Variants in CPVL observed in about 807,000 individuals in gnomAD.
CPVL encodes the protein probable serine carboxypeptidase CPVL.
A neutral mutation model predicts 63.7 loss-of-function variants in CPVL; 51 were observed. The ratio of observed to expected loss-of-function variants is 0.80; its 90% CI spans 0.64 to 1.01. The LOEUF (loss-of-function observed/expected upper bound fraction) is 1.01, where lower values mean the gene tolerates loss of function less well. Among genes scored for constraint, CPVL ranks in the 50% least tolerant of loss-of-function variants. The probability of loss-of-function intolerance (pLI) is 0.00; values close to 1 mark genes in which losing one functional copy is unlikely to be tolerated. For missense variants in CPVL, 530 were observed against 573.1 expected, an observed-to-expected ratio of 0.92 and a Z score of 0.77; for synonymous variants, 195 against 206.0, an observed-to-expected ratio of 0.95 and a Z score of 0.46.
At chr7:29,061,993 G>GCACAAATAA (rs1297322382) in intron 11 of CPVL, among the ~76,000 whole-genome samples, 5 of 150,550 alleles carry the variant, frequency 3.3e-5, no homozygotes, top group Non-Finnish European at 5.9e-5. Flanking sequence ...TCTCCCAAGG[G>GCACAAATAA]CACAAATAAC....
At chr7:29,045,358 G>A (rs1789510488) in intron 11 of CPVL, among the ~76,000 whole-genome samples, 1 of 152,064 alleles carries the variant, frequency 6.6e-6, no homozygotes, top group Non-Finnish European at 1.5e-5. Flanking sequence ...GAACTCACAA[G>A]GAACTCTGCA....
At chr7:29,148,327 C>T (rs1181809163), upstream of CPVL, among the ~76,000 whole-genome samples, 2 of 152,166 alleles carry the variant, frequency 1.3e-5, no homozygotes, top group Non-Finnish European at 1.5e-5. Context: ...CAGGAGGAGC[C>T]ATGCTGTAAG....
intron 3 of CPVL, among the ~76,000 whole-genome samples, chr7:29,105,676 A>C (rs1162507064): frequency 6.6e-5 from 10 of 152,156 alleles, no homozygotes; most frequent in Non-Finnish European, 1.3e-4. Flanking sequence ...TTTTACTTGG[A>C]AACATTCACC....
At chr7:29,048,471 T>C (rs561231453) in intron 11 of CPVL, among the ~76,000 whole-genome samples, 80 of 152,070 alleles carry the variant, frequency 5.3e-4, no homozygotes, top group Non-Finnish European at 1.0e-3. Flanking sequence ...AAGAAGGACA[T>C]TATATAACAG....
rs576389354 is a variant in CPVL at position 29,175,332 on chromosome 7, G to A, written c.-11+5958C>T. 7.2e-5 allele frequency among the ~76,000 whole-genome samples: 11 copies of A among 151,986 alleles called. No individual in the cohort carries two copies. The South Asian group carries it at 1.7e-3, about 23-fold the overall frequency. On this transcript the variant is annotated intron_variant, in intron 5 of 16. Transcript: ENST00000409850. ...TGGGATTACAGGCGCATGCCACCACGCCTGACTAATTTTTTGTATTTTCAG... is the reference window on the plus strand; with the variant it reads ...TGGGATTACAGGCGCATGCCACCACACCTGACTAATTTTTTGTATTTTCAG...
chr7:29,075,519 T>TAAAAAAAAAAAAAAAAAA lies in CPVL; in HGVS notation c.610-3114_610-3097dup, dbSNP rs10658501. ...TCTTTTCTATTGAGAAGATACTTCT[T>TAAAAAAAAAAAAAAAAAA]AAAAAAAAAAAAAAAAAAGCCATCA... is the stretch of plus-strand genomic sequence containing the variant. On this transcript the variant is annotated intron_variant, in intron 7 of 12. Transcript: ENST00000265394. Among the ~76,000 whole-genome samples, 18 of 128,978 alleles carry TAAAAAAAAAAAAAAAAAA rather than the reference T, an allele frequency of 1.4e-4. 8 individuals carry two copies. Among genetic ancestry groups the TAAAAAAAAAAAAAAAAAA allele is most frequent in the Non-Finnish European group, 1.8e-4 (11 of 62,296 alleles). 84.6% of individuals were successfully genotyped at this position (128,978 alleles called of 152,430 possible). A position where few individuals can be genotyped will look rare whatever the true frequency, so the allele number is the denominator to read the frequency against.
intron 11 of CPVL, among the ~76,000 whole-genome samples, chr7:29,054,437 T>C (rs1260068934): frequency 6.6e-6 from 1 of 152,248 alleles, no homozygotes; most frequent in African/African-American, 2.4e-5. Flanking sequence ...TTTAGCACTT[T>C]GAAGATATTA....
chr7:29,179,499 C>G (rs538293234), intron 5 of CPVL, among the ~76,000 whole-genome samples: 2 of 152,206 alleles, frequency 1.3e-5, no homozygotes, highest in African/African-American at 4.8e-5. Context: ...AGACTCAACA[C>G]AAATTCTTCA....
At chr7:29,089,093 C>G (rs2128601243) in intron 6 of CPVL, among the ~76,000 whole-genome samples, 1 of 152,294 alleles carries the variant, frequency 6.6e-6, no homozygotes, top group Non-Finnish European at 1.5e-5. Flanking sequence ...CATTTGGCCA[C>G]CTTGCTGGCA....
At chr7:29,142,527 A>T (rs1413432712) in intron 1 of CPVL, among the ~76,000 whole-genome samples, 9 of 29,000 alleles carry the variant, frequency 3.1e-4, no homozygotes, top group Non-Finnish European at 4.4e-4. Flanking sequence ...ACTTCCAGAT[A>T]CTTTTTTTTT....
At position 29,121,003 on chromosome 7, in the gene CPVL, CAG is replaced by C. The variant is rs1213481660; in HGVS notation, c.57_58del (p.Cys20Ter). 7.4e-6 allele frequency: 12 copies of C among 1,613,474 alleles called. No homozygotes were observed. The highest frequency in any genetic ancestry group is 1.0e-5 in the Non-Finnish European group (12 of 1,179,718). ...GTATAGGGAGCGAAACAGCCCATCACAGGGGCCAGGCATCAACAGGACCAGCG... is the reference window on the plus strand; with the variant it reads ...GTATAGGGAGCGAAACAGCCCATCACGGGCCAGGCATCAACAGGACCAGCG... On this transcript the variant is annotated frameshift_variant, in exon 2 of 13. Transcript: ENST00000265394.
intron 5 of CPVL, among the ~76,000 whole-genome samples, chr7:29,093,169 T>A (rs1396707681): frequency 6.6e-6 from 1 of 151,864 alleles, no homozygotes; most frequent in Non-Finnish European, 1.5e-5. Flanking sequence ...GCGGAACACC[T>A]GAGGTCAGGA....
intron 3 of CPVL, among the ~76,000 whole-genome samples, chr7:29,105,341 T>G (rs908709676): frequency 6.6e-6 from 1 of 152,104 alleles, no homozygotes; most frequent in Admixed American, 6.5e-5. Context: ...GGCTACATGA[T>G]GCAAGGACAG....
chr7:29,122,902 C>T (rs1486481418), intron 1 of CPVL, among the ~76,000 whole-genome samples: 1 of 152,126 alleles, frequency 6.6e-6, no homozygotes, highest in African/African-American at 2.4e-5. Flanking sequence ...TTGTCTCACC[C>T]TAATCCTGAC....
At chr7:29,134,330 A>AGCCAGTGAACTGCT (rs1314476156) in intron 1 of CPVL, among the ~76,000 whole-genome samples, 2 of 152,244 alleles carry the variant, frequency 1.3e-5, no homozygotes, top group Admixed American at 1.3e-4. Context: ...AACTGCAGGG[A>AGCCAGTGAACTGCT]GCCAGTGAAC....
intron 3 of CPVL, among the ~76,000 whole-genome samples, chr7:29,112,045 C>T (rs1788285163): frequency 6.6e-6 from 1 of 152,198 alleles, no homozygotes; most frequent in Non-Finnish European, 1.5e-5. Context: ...AGGTGAACTA[C>T]ATAGGATTGG....
intron 9 of CPVL, among the ~76,000 whole-genome samples, chr7:29,068,516 T>C (rs1340972516): frequency 6.6e-6 from 1 of 151,792 alleles, no homozygotes; most frequent in Non-Finnish European, 1.5e-5. Flanking sequence ...GGCTAAGGGG[T>C]GCAAAGGGAC....
At chr7:29,173,834 C>A (rs2128729094) in intron 5 of CPVL, among the ~76,000 whole-genome samples, 1 of 151,174 alleles carries the variant, frequency 6.6e-6, no homozygotes, top group African/African-American at 2.4e-5. Flanking sequence ...CCATGTAATT[C>A]CATCTTACTT....
chr7:29,042,447 T>C (rs1789199969), intron 11 of CPVL, among the ~76,000 whole-genome samples: 2 of 151,704 alleles, frequency 1.3e-5, no homozygotes, highest in African/African-American at 4.8e-5. Flanking sequence ...TACAAAAAAG[T>C]TAAAAAAATC....
Sources: allele counts gnomAD v4.1 joint callset (sites outside exome capture counted in the v4.1 genomes callset), GRCh38; gene constraint gnomAD v4.1.1; transcripts MANE v1.5; gene names NCBI Gene and HGNC (gene_info 2026-07-23, HGNC 2026-07-21).